RPH3AL: variants seen among roughly 807,000 people sequenced by gnomAD.
RPH3AL encodes the protein rabphilin 3A like (without C2 domains).
In RPH3AL, 38 loss-of-function variants were observed where a neutral mutation model predicts 43.1. That is an observed-to-expected ratio of 0.88 (90% CI 0.68 to 1.15). RPH3AL has a LOEUF of 1.15. Among genes scored for constraint, RPH3AL ranks in the 50% most tolerant of loss-of-function variants. The pLI is 0.00. For synonymous variants in RPH3AL, 189 were observed against 176.3 expected (o/e 1.07, Z -0.57); for missense variants, 462 against 423.2 (o/e 1.09, Z -0.81).
Position 319,554 on chromosome 17 carries a change from A to G in RPH3AL, c.222-5T>C, listed in dbSNP as rs780325558. 6.2e-7 allele frequency: 1 copy of G among 1,610,300 alleles called. No individual in the cohort carries two copies. Among genetic ancestry groups the G allele is most frequent in the Non-Finnish European group, 8.5e-7 (1 of 1,179,922 alleles). On this transcript the variant is annotated splice_region_variant and splice_polypyrimidine_tract_variant and intron_variant, in intron 4 of 9. Coordinates refer to ENST00000331302, the MANE Select transcript of RPH3AL (RefSeq NM_006987.4). Reference sequence around the variant, plus strand: ...TCCAGCCGCTCCACCAGCCGCCTGCAGCACAGGACACAGAGTCAGAGGGAC... The same window carrying G: ...TCCAGCCGCTCCACCAGCCGCCTGCGGCACAGGACACAGAGTCAGAGGGAC...
intron 6 of RPH3AL, among the ~76,000 whole-genome samples, chr17:258,157 TG>T (rs1423587533): frequency 6.6e-6 from 1 of 152,210 alleles, no homozygotes; most frequent in African/African-American, 2.4e-5. Flanking sequence ...CATAGGTACG[TG>T]GGGTGCTTCC....
intron 5 of RPH3AL, among the ~76,000 whole-genome samples, chr17:311,194 C>A (rs2043637531): frequency 6.6e-6 from 1 of 152,222 alleles, no homozygotes; most frequent in South Asian, 2.1e-4. Flanking sequence ...TTCAGGTCCC[C>A]AGGATCTCAG....
Position 306,153 on chromosome 17 carries a change from G to A in RPH3AL, c.351+13267C>T, listed in dbSNP as rs999397841. Among the ~76,000 whole-genome samples the A allele has an allele frequency of 5.3e-5, 8 of 150,302 alleles. No homozygotes were observed. In the South Asian group the frequency reaches 1.1e-3, roughly 20 times the overall value. On this transcript the variant is annotated intron_variant, in intron 5 of 9. Coordinates refer to ENST00000331302, the MANE Select transcript of RPH3AL (RefSeq NM_006987.4). Reference sequence around the variant, plus strand: ...TAGGATTACAGGTGTGAGCCACTGCGCCCGACTTCCCCAGCCCCTTTCTGA... The same window carrying A: ...TAGGATTACAGGTGTGAGCCACTGCACCCGACTTCCCCAGCCCCTTTCTGA...
Position 325,886 on chromosome 17 carries a change from C to T in RPH3AL, c.77+1581G>A, listed in dbSNP as rs375955982. ...CCAGCTCTGCGGCTGGAGTTTAGTA[C>T]GCCTCTCCTTTCCAGAGACTGTGCC... is the stretch of plus-strand genomic sequence containing the variant. On this transcript the variant is annotated intron_variant, in intron 3 of 9. Transcript: ENST00000331302. 5.3e-5 allele frequency among the ~76,000 whole-genome samples: 8 copies of T among 152,316 alleles called. 2 individuals are homozygous for T. The highest frequency in any genetic ancestry group is 1.9e-4 in the East Asian group (1 of 5,182).
At chr17:319,694 G>A (rs769638089) in intron 4 of RPH3AL, 145 bp from the exon 5 acceptor site, 108 of 939,034 alleles carry the variant, frequency 1.2e-4, no homozygotes, top group East Asian at 1.9e-4. Flanking sequence ...GGATAACAGC[G>A]AATCCTTCAT....
chr17:272,598 A>T (rs1430521597), intron 6 of RPH3AL, among the ~76,000 whole-genome samples: 5 of 96,962 alleles, frequency 5.2e-5, no homozygotes, highest in African/African-American at 2.1e-4. Context: ...CACTCCAGGG[A>T]CTGTTGTGGG....
In RPH3AL at chr17:272,305, C is replaced by T. The variant is rs556934244; in HGVS notation, c.438+9463G>A. 5.9e-5 allele frequency among the ~76,000 whole-genome samples: 9 copies of T among 152,088 alleles called. No homozygotes were observed. The South Asian group carries it at 8.3e-4, about 14-fold the overall frequency. ...ATGCTGCTATAAAGACACATGCACACGTATGTTTATTGCAGCACTATTCAC... is the reference window on the plus strand; with the variant it reads ...ATGCTGCTATAAAGACACATGCACATGTATGTTTATTGCAGCACTATTCAC... On this transcript the variant is annotated intron_variant, in intron 6 of 9. Coordinates refer to ENST00000331302, the MANE Select transcript of RPH3AL (RefSeq NM_006987.4).
At chr17:349,243 A>C (rs1417576932) in intron 1 of RPH3AL, 1 of 152,214 alleles carries the variant, frequency 6.6e-6, no homozygotes, top group African/African-American at 2.4e-5. Flanking sequence ...GTAATTGGGC[A>C]GGAGGGAAAC....
At chr17:261,747 C>T (rs546930254) in intron 6 of RPH3AL, 4 of 152,180 alleles carry the variant, frequency 2.6e-5, no homozygotes, top group Non-Finnish European at 5.9e-5. Flanking sequence ...CTTACACACA[C>T]TCTTTTTAAG....
At chr17:332,829 C>T (rs4074369) in intron 2 of RPH3AL, 102,544 of 369,948 alleles carry the variant, frequency 0.28, 16,214 homozygotes, top group Non-Finnish European at 0.35. Flanking sequence ...CCCCGCCGGG[C>T]GACACACGCT....
intron 1 of RPH3AL, among the ~76,000 whole-genome samples, chr17:342,543 C>T (rs1241167961): frequency 6.6e-6 from 1 of 152,182 alleles, no homozygotes; most frequent in African/African-American, 2.4e-5. Context: ...AATGAAGTAT[C>T]GATTCATGCT....
chr17:327,938 C>G (rs1356545523), intron 2 of RPH3AL, among the ~76,000 whole-genome samples: 1 of 152,172 alleles, frequency 6.6e-6, no homozygotes, highest in Non-Finnish European at 1.5e-5. Flanking sequence ...CCCAGTACAG[C>G]AGGGGCCGAA....
At position 319,458 on chromosome 17, in the gene RPH3AL, G is replaced by A. The variant is rs1406340625; in HGVS notation, c.313C>T (p.Leu105=). The part of the protein sequence containing the change: ...CLLCGEVLGF[L]GSSSVFCKDC... ...TTGCAGAACACCGACGAGCTGCCCA[G>A]GAAGCCCAGCACCTCCCCGCAGAGC... The change falls in exon 5 of 10, where the codon CTG becomes TTG. Residue 105 remains leucine (L), a synonymous_variant. Transcript: ENST00000331302. 1 of 1,612,636 alleles carries A rather than the reference G, an allele frequency of 6.2e-7. No homozygotes were observed. The highest frequency in any genetic ancestry group is 1.7e-5 in the Admixed American group (1 of 59,992).
At chr17:275,154 C>T (rs1344313142) in intron 6 of RPH3AL, among the ~76,000 whole-genome samples, 1 of 151,264 alleles carries the variant, frequency 6.6e-6, no homozygotes, top group African/African-American at 2.4e-5. Context: ...ACCCTCAGGC[C>T]TAAAATCTGC....
intron 7 of RPH3AL, among the ~76,000 whole-genome samples, chr17:239,746 C>A (rs368279292): frequency 5.8e-4 from 88 of 152,278 alleles, no homozygotes; most frequent in African/African-American, 2.1e-3. Flanking sequence ...CCCACCTTAG[C>A]CTCCTGAGTA....
At chr17:249,719 GCA>G (rs2041842630) in intron 6 of RPH3AL, among the ~76,000 whole-genome samples, 1 of 149,842 alleles carries the variant, frequency 6.7e-6, no homozygotes, top group Non-Finnish European at 1.5e-5. Context: ...CTCTTGAAAA[GCA>G]CTAGGTTAAA....
At chr17:242,866 AC>A (rs779909700) in intron 7 of RPH3AL, among the ~76,000 whole-genome samples, 44 of 42,030 alleles carry the variant, frequency 1.0e-3, no homozygotes, top group South Asian at 1.2e-3. Context: ...TCTATTGATT[AC>A]CCTTCCTCTA....
chr17:253,464 G>T (rs2041964557), intron 6 of RPH3AL, among the ~76,000 whole-genome samples: 1 of 152,138 alleles, frequency 6.6e-6, no homozygotes, highest in Non-Finnish European at 1.5e-5. Flanking sequence ...TGCGGCACCG[G>T]ACCACGGTTT....
chr17:299,773 G>A (rs1473436019), intron 5 of RPH3AL, among the ~76,000 whole-genome samples: 2 of 152,248 alleles, frequency 1.3e-5, no homozygotes, highest in African/African-American at 4.8e-5. Context: ...GAGGACGAGA[G>A]GCTGCACAAA....
Sources: allele counts gnomAD v4.1 joint callset (sites outside exome capture counted in the v4.1 genomes callset), GRCh38; gene constraint gnomAD v4.1.1; transcripts MANE v1.5; gene names NCBI Gene and HGNC (gene_info 2026-07-23, HGNC 2026-07-21).